The following NCS1 variants were observed in gnomAD, a reference collection of about 807,000 sequenced individuals.
NCS1 encodes frequenin homolog.
In NCS1, 6 loss-of-function variants were observed where a neutral mutation model predicts 28.4. The observed-to-expected ratio is 0.21, with a 90% CI of 0.12 to 0.42. The LOEUF is 0.42. Among genes scored for constraint, NCS1 ranks in the 10% least tolerant of loss-of-function variants. The probability of loss-of-function intolerance (pLI) is 1.00; values close to 1 mark genes in which losing one functional copy is unlikely to be tolerated. For synonymous variants in NCS1, 86 were observed against 99.3 expected, an observed-to-expected ratio of 0.87 and a Z score of 0.79; for missense variants, 131 against 241.4, an observed-to-expected ratio of 0.54 and a Z score of 3.03.
intron 2 of NCS1, among the ~76,000 whole-genome samples, chr9:130,208,007 A>T (rs779234777): frequency 2.0e-4 from 30 of 152,262 alleles, no homozygotes; most frequent in Admixed American, 7.8e-4. Flanking sequence ...GTGGAAGATC[A>T]GGAACCACAA....
Position 130,232,319 on chromosome 9 carries a change from G to A in NCS1, c.*18-671G>A, listed in dbSNP as rs1286494658. Among the ~76,000 whole-genome samples the A allele has an allele frequency of 6.6e-6, 1 of 152,132 alleles. No homozygotes were observed. The highest frequency in any genetic ancestry group is 1.5e-5 in the Non-Finnish European group (1 of 68,014). On this transcript the variant is annotated intron_variant, in intron 7 of 7. Transcript: ENST00000372398. The surrounding 1 kb of genome is among the most constrained non-coding windows in gnomAD (Gnocchi z 4.4). The stretch of plus-strand genomic sequence containing the variant: ...GCATCTTTTCATGTGTTTATCGACT[G>A]TTCTATGTGTTGTTTTTAATGGTTT...
chr9:130,176,824 C>G (rs1291215608), intron 1 of NCS1, among the ~76,000 whole-genome samples: 2 of 152,226 alleles, frequency 1.3e-5, no homozygotes, highest in Non-Finnish European at 2.9e-5. Context: ...CCGGGTTATC[C>G]GAAAACTCCA....
chr9:130,214,130 G>T (rs933029284), intron 2 of NCS1, among the ~76,000 whole-genome samples: 3 of 152,222 alleles, frequency 2.0e-5, no homozygotes, highest in Non-Finnish European at 4.4e-5. Flanking sequence ...CCTACATTCC[G>T]GTGGGGGACT....
chr9:130,183,312 G>A (rs887532), intron 1 of NCS1, among the ~76,000 whole-genome samples: 1 of 151,806 alleles, frequency 6.6e-6, no homozygotes, highest in South Asian at 2.1e-4. Flanking sequence ...CGGCTGGGGG[G>A]GGGAGCTCCT....
chr9:130,196,945 C>A (rs1832884771), intron 1 of NCS1, among the ~76,000 whole-genome samples: 1 of 152,186 alleles, frequency 6.6e-6, no homozygotes, highest in Non-Finnish European at 1.5e-5. Flanking sequence ...TGTTTAGACT[C>A]TTTTTTTCTG....
At chr9:130,230,831 C>A (rs1202653965) in intron 7 of NCS1, among the ~76,000 whole-genome samples, 2 of 136,940 alleles carry the variant, frequency 1.5e-5, no homozygotes, top group Non-Finnish European at 3.1e-5. Context: ...GATTTTGAAG[C>A]AAATTCAAGA....
chr9:130,216,857 T>C (rs1162188349), intron 2 of NCS1, among the ~76,000 whole-genome samples: 1 of 149,816 alleles, frequency 6.7e-6, no homozygotes, highest in African/African-American at 2.4e-5. Flanking sequence ...GACCTCTCTC[T>C]CTGGCTTCCC....
intron 1 of NCS1, among the ~76,000 whole-genome samples, chr9:130,195,865 A>G (rs567044880): frequency 6.6e-6 from 1 of 152,348 alleles, no homozygotes; most frequent in South Asian, 2.1e-4. Context: ...CCAGTGACCC[A>G]GGGAACAAGC....
intron 1 of NCS1, among the ~76,000 whole-genome samples, chr9:130,179,636 G>T (rs782593218): frequency 6.6e-6 from 1 of 152,234 alleles, no homozygotes; most frequent in African/African-American, 2.4e-5. Flanking sequence ...TTCAGCAAAA[G>T]TAGATGAGAG....
intron 1 of NCS1, among the ~76,000 whole-genome samples, chr9:130,195,951 C>T (rs1455846790): frequency 6.6e-6 from 1 of 152,194 alleles, no homozygotes; most frequent in Non-Finnish European, 1.5e-5. Context: ...CCCAGACCCA[C>T]CGAGGGAGGC....
At chr9:130,207,549 A>G (rs1303635421) in intron 2 of NCS1, among the ~76,000 whole-genome samples, 1 of 152,182 alleles carries the variant, frequency 6.6e-6, no homozygotes, top group Non-Finnish European at 1.5e-5. Context: ...TGTACAATCT[A>G]GGGTCATCTG....
In NCS1 at chr9:130,205,520, T is replaced by C. The variant is rs563091693; in HGVS notation, c.89+4538T>C. Among the ~76,000 whole-genome samples, 673 of 125,652 alleles carry C rather than the reference T, an allele frequency of 5.4e-3. 1 individual carries two copies. Among genetic ancestry groups the C allele is most frequent in the Non-Finnish European group, 8.4e-3 (534 of 63,212 alleles). 82.4% of individuals were successfully genotyped at this position (125,652 alleles called of 152,430 possible). The stretch of plus-strand genomic sequence containing the variant: ...GATTGCCCTGCTGCAGGCAATACAG[T>C]GAGACCTCGTCTCTTAGAAAAAAAA... On this transcript the variant is annotated intron_variant, in intron 2 of 7. Coordinates refer to ENST00000372398, the MANE Select transcript of NCS1 (RefSeq NM_014286.4).
chr9:130,200,712 A>G, intron 1 of NCS1: 2 of 1,517,718 alleles, frequency 1.3e-6, no homozygotes, highest in South Asian at 1.2e-5. Context: ...CGGCAGTGGC[A>G]GTGGCAGGTA....
chr9:130,219,572 G>GC lies in NCS1; in HGVS notation c.229-147dup, dbSNP rs1455002303. 8.1e-6 allele frequency among the ~76,000 whole-genome samples: 1 copy of GC among 123,230 alleles called. No homozygotes were observed. The highest frequency in any genetic ancestry group is 8.9e-5 in the Admixed American group (1 of 11,216). 80.8% of individuals were successfully genotyped at this position (123,230 alleles called of 152,430 possible). ...GCTCCCCACCCTCTCCTTGCCTCTC[G>GC]CCCCCCATTCCTTCGAGCCTGCCCT... On this transcript the variant is annotated intron_variant, in intron 3 of 7. Coordinates refer to ENST00000372398, the MANE Select transcript of NCS1 (RefSeq NM_014286.4). This position sits in a 1 kb window ranked among gnomAD's most constrained non-coding sequence, Gnocchi z 5.7.
At chr9:130,203,113 C>T (rs1440850446) in intron 2 of NCS1, among the ~76,000 whole-genome samples, 72 of 131,780 alleles carry the variant, frequency 5.5e-4, no homozygotes, top group African/African-American at 1.8e-3. Context: ...TGTGTGTGTG[C>T]GTGTGTATGT....
intron 2 of NCS1, among the ~76,000 whole-genome samples, chr9:130,204,084 C>A (rs1367742644): frequency 6.6e-6 from 1 of 152,142 alleles, no homozygotes; most frequent in African/African-American, 2.4e-5. Context: ...CCTCTGCCTC[C>A]CGGGTTCATG....
chr9:130,218,475 T>C (rs1833221891), intron 3 of NCS1, among the ~76,000 whole-genome samples: 1 of 152,254 alleles, frequency 6.6e-6, no homozygotes, highest in Admixed American at 6.5e-5. Flanking sequence ...TGTATACACA[T>C]GTACACCCTG....
At chr9:130,184,359 C>T (rs1832711861) in intron 1 of NCS1, among the ~76,000 whole-genome samples, 1 of 152,030 alleles carries the variant, frequency 6.6e-6, no homozygotes, top group Non-Finnish European at 1.5e-5. Flanking sequence ...AGTTCTGGGA[C>T]CTTGGTCTGG....
At chr9:130,225,768 C>CG (rs1436939557) in intron 6 of NCS1, among the ~76,000 whole-genome samples, 1 of 152,208 alleles carries the variant, frequency 6.6e-6, no homozygotes, top group East Asian at 1.9e-4. Flanking sequence ...GCGCTGTTTT[C>CG]GGCACTTACC....
Sources: gnomAD v4.1 joint callset for allele counts (sites outside exome capture counted in the v4.1 genomes callset) on GRCh38, gnomAD v4.1.1 for gene constraint, Gnocchi (gnomAD v3.1) non-coding constraint, MANE v1.5 for transcripts, NCBI Gene and HGNC (gene_info 2026-07-23, HGNC 2026-07-21) for gene names.